The following LRRC4C variants were observed in gnomAD, a reference collection of about 807,000 sequenced individuals.
The protein encoded by LRRC4C is leucine-rich repeat-containing protein 4C.
A neutral mutation model predicts 33.6 loss-of-function variants in LRRC4C; 5 were observed. That is an observed-to-expected ratio of 0.15 (90% confidence interval 0.08 to 0.31). The LOEUF (loss-of-function observed/expected upper bound fraction) is 0.31, where lower values mean the gene tolerates loss of function less well. Ranked by LOEUF, LRRC4C falls within the 10% of genes least tolerant of loss-of-function variation. LRRC4C has a pLI of 1.00. For missense variants in LRRC4C, 560 were observed against 796.7 expected, an observed-to-expected ratio of 0.70 and a Z score of 3.58; for synonymous variants, 329 against 302.0, an observed-to-expected ratio of 1.09 and a Z score of -0.93.
intron 3 of LRRC4C, among the ~76,000 whole-genome samples, chr11:40,344,301 C>T (rs1947020191): frequency 6.6e-6 from 1 of 152,118 alleles, no homozygotes; most frequent in African/African-American, 2.4e-5. Flanking sequence ...AGTGAATCCA[C>T]TATGATCAAG....
chr11:41,172,075 A>G (rs1488568044), intron 1 of LRRC4C, among the ~76,000 whole-genome samples: 1 of 152,146 alleles, frequency 6.6e-6, no homozygotes, highest in East Asian at 1.9e-4. Flanking sequence ...AGCAAGTGTG[A>G]TTATTTTGAG....
chr11:41,118,952 T>C (rs1430202344), intron 1 of LRRC4C, among the ~76,000 whole-genome samples: 4 of 152,174 alleles, frequency 2.6e-5, no homozygotes, highest in Admixed American at 1.3e-4. Flanking sequence ...GTGTTTTTTT[T>C]CTCTGCTTAT....
In LRRC4C at chr11:41,339,466, G is replaced by A. The variant is rs192213667; in HGVS notation, c.-496+119965C>T. Among the ~76,000 whole-genome samples, 2 of 152,178 alleles carry A rather than the reference G, an allele frequency of 1.3e-5. 1 individual carries two copies. The highest frequency in any genetic ancestry group is 3.9e-4 in the East Asian group (2 of 5,182). ...GCAATAGGCCAAATGAAATGCAAAG[G>A]TCATTTGCAGATTTTCACACCAATA... On this transcript the variant is annotated intron_variant, in intron 1 of 6. Coordinates refer to ENST00000528697, the MANE Select transcript of LRRC4C (RefSeq NM_001258419.2).
At chr11:40,975,126 C>T (rs1851992377) in intron 1 of LRRC4C, among the ~76,000 whole-genome samples, 1 of 152,156 alleles carries the variant, frequency 6.6e-6, no homozygotes, top group East Asian at 1.9e-4. Flanking sequence ...ATACTTTTAT[C>T]TATGTATCCA....
At chr11:40,739,497 G>A (rs1948055839) in intron 2 of LRRC4C, among the ~76,000 whole-genome samples, 1 of 140,012 alleles carries the variant, frequency 7.1e-6, no homozygotes, top group African/African-American at 2.6e-5. Context: ...TATATACATA[G>A]ACAATCAATA....
chr11:41,047,123 G>A (rs1447154000), intron 1 of LRRC4C, among the ~76,000 whole-genome samples: 2 of 151,954 alleles, frequency 1.3e-5, no homozygotes, highest in African/African-American at 2.4e-5. Flanking sequence ...TCTCTAATAA[G>A]GATCTTGAAG....
chr11:41,212,513 A>G (rs1302159068), intron 1 of LRRC4C, among the ~76,000 whole-genome samples: 1 of 152,248 alleles, frequency 6.6e-6, no homozygotes, highest in Non-Finnish European at 1.5e-5. Context: ...TTTGCTGCAC[A>G]GATCAATCCA....
chr11:40,156,036 G>C (rs1858661342), intron 5 of LRRC4C, among the ~76,000 whole-genome samples: 1 of 152,126 alleles, frequency 6.6e-6, no homozygotes, highest in South Asian at 2.1e-4. Context: ...TAGATGCAGG[G>C]ATGGTTTAAC....
chr11:40,655,368 G>A (rs1216744464), intron 2 of LRRC4C, among the ~76,000 whole-genome samples: 2 of 152,174 alleles, frequency 1.3e-5, no homozygotes, highest in African/African-American at 2.4e-5. Flanking sequence ...ACTCAAGGAG[G>A]TAACCATGTG....
At chr11:41,247,594 AGTG>A (rs1346483590) in intron 1 of LRRC4C, among the ~76,000 whole-genome samples, 7 of 152,206 alleles carry the variant, frequency 4.6e-5, no homozygotes, top group Admixed American at 3.3e-4. Flanking sequence ...TTGTCTCAGA[AGTG>A]GTACTAAAGT....
At chr11:41,321,643 A>G (rs1211569173) in intron 1 of LRRC4C, among the ~76,000 whole-genome samples, 1 of 152,150 alleles carries the variant, frequency 6.6e-6, no homozygotes, top group Non-Finnish European at 1.5e-5. Context: ...CCCAGTAATG[A>G]GACCAGGGTA....
intron 3 of LRRC4C, among the ~76,000 whole-genome samples, chr11:40,563,106 C>A (rs888450369): frequency 8.6e-5 from 13 of 151,916 alleles, no homozygotes; most frequent in Non-Finnish European, 1.6e-4. Flanking sequence ...CTTGGAGGAC[C>A]CAAAAATGAC....
chr11:40,913,470 G>C (rs576321719), intron 2 of LRRC4C, among the ~76,000 whole-genome samples: 2 of 152,120 alleles, frequency 1.3e-5, no homozygotes, highest in East Asian at 3.9e-4. Context: ...TGAAATGAAG[G>C]CAGAAATAAA....
At chr11:41,089,781 TATTATAA>T (rs1363370508) in intron 1 of LRRC4C, among the ~76,000 whole-genome samples, 1 of 152,042 alleles carries the variant, frequency 6.6e-6, no homozygotes, top group Non-Finnish European at 1.5e-5. Context: ...AACCTGAATT[TATTATAA>T]ATTATGTCGA....
intron 1 of LRRC4C, among the ~76,000 whole-genome samples, chr11:41,135,425 C>A (rs927413516): frequency 6.6e-6 from 1 of 151,896 alleles, no homozygotes; most frequent in East Asian, 1.9e-4. Flanking sequence ...AAAATGGGAA[C>A]GAAAACATGG....
chr11:40,441,357 C>T (rs764419017), intron 3 of LRRC4C, among the ~76,000 whole-genome samples: 20 of 152,096 alleles, frequency 1.3e-4, no homozygotes, highest in Non-Finnish European at 2.8e-4. Context: ...TTAAAATCAA[C>T]CCAGAGAAGA....
intron 2 of LRRC4C, among the ~76,000 whole-genome samples, chr11:40,792,240 C>T (rs868433313): frequency 9.3e-5 from 14 of 151,074 alleles, no homozygotes; most frequent in Admixed American, 1.3e-4. Context: ...TCAATAATGA[C>T]GCTTCCAAGG....
chr11:40,131,676 G>A lies in LRRC4C; in HGVS notation c.-43+9125C>T, dbSNP rs150108682. On this transcript the variant is annotated intron_variant, in intron 6 of 6. Coordinates refer to ENST00000528697, the MANE Select transcript of LRRC4C (RefSeq NM_001258419.2). ...GTGATTTTGGACTCTATTATTGTGA[G>A]GATAAATGAGTTAATATAGAAAGCT... Among the ~76,000 whole-genome samples the A allele has an allele frequency of 5.0e-3, 757 of 152,178 alleles. 2 individuals carry two copies. The highest frequency in any genetic ancestry group is 7.7e-3 in the Non-Finnish European group (527 of 68,000).
intron 1 of LRRC4C, among the ~76,000 whole-genome samples, chr11:41,080,607 C>G (rs769752984): frequency 2.0e-4 from 30 of 152,144 alleles, no homozygotes; most frequent in Non-Finnish European, 2.9e-4. Flanking sequence ...CCAGCCTCAG[C>G]CTCCCAAAGT....
Sources: allele counts gnomAD v4.1 joint callset (sites outside exome capture counted in the v4.1 genomes callset), GRCh38; gene constraint gnomAD v4.1.1; transcripts MANE v1.5; gene names NCBI Gene and HGNC (gene_info 2026-07-23, HGNC 2026-07-21).